FAM83G: variants seen among roughly 807,000 people sequenced by gnomAD.
The protein encoded by FAM83G is protein FAM83G.
A neutral mutation model predicts 61.5 loss-of-function variants in FAM83G; 38 were observed. The observed-to-expected ratio is 0.62, with a 90% CI of 0.48 to 0.81. The LOEUF (loss-of-function observed/expected upper bound fraction) is 0.81, where lower values mean the gene tolerates loss of function less well. FAM83G is among the 30% of genes least tolerant of loss of function. The pLI is 0.00. For missense variants in FAM83G, 989 were observed against 1,133.6 expected, an observed-to-expected ratio of 0.87 and a Z score of 1.83; for synonymous variants, 470 against 476.1, an observed-to-expected ratio of 0.99 and a Z score of 0.17.
rs77322846 is a variant in FAM83G at position 18,990,201 on chromosome 17, C to G, written c.523-1787G>C. On this transcript the variant is annotated intron_variant, in intron 2 of 5. Transcript: ENST00000388995. ...GTTAAACAGGGATCTTAAGAGGGAG[C>G]TCACTCCCTGACCTAGGAGATGTTC... Among the ~76,000 whole-genome samples, 1,437 of 152,250 alleles carry G rather than the reference C, an allele frequency of 9.4e-3. 17 individuals carry two copies. Among genetic ancestry groups the G allele is most frequent in the Non-Finnish European group, 0.015 (1,004 of 68,006 alleles).
chr17:18,994,575 C>A (rs1330740800), intron 2 of FAM83G, among the ~76,000 whole-genome samples: 3 of 152,158 alleles, frequency 2.0e-5, no homozygotes, highest in Non-Finnish European at 4.4e-5. Flanking sequence ...AGCAGAGAAC[C>A]ACCGGAAAGG....
chr17:18,988,099 G>T, intron 3 of FAM83G, 148 bp downstream of exon 3: 1 of 1,224,862 alleles, frequency 8.2e-7, no homozygotes, highest in Non-Finnish European at 1.1e-6. Flanking sequence ...GTGGCTATGT[G>T]ACTGCTTGGC....
intron 3 of FAM83G, among the ~76,000 whole-genome samples, chr17:18,980,506 AC>A (rs1252872765): frequency 6.6e-6 from 1 of 152,074 alleles, no homozygotes; most frequent in African/African-American, 2.4e-5. Context: ...CTTTTCCTGG[AC>A]CCTGAACACA....
chr17:18,973,883 A>AG (rs1363641712), intron 5 of FAM83G, among the ~76,000 whole-genome samples: 4 of 97,950 alleles, frequency 4.1e-5, no homozygotes, highest in Non-Finnish European at 8.3e-5. Flanking sequence ...TTTTTTTTTA[A>AG]GTTTTTTTTT....
In FAM83G at chr17:18,982,398, C is replaced by T. The variant is rs558366280; in HGVS notation, c.691-2725G>A. On this transcript the variant is annotated intron_variant, in intron 3 of 5. Transcript: ENST00000388995. ...CGTCTCAAGACTCTGGGCTCGTGTG[C>T]GCAGAGGTGGAGGATCCCACAAAGC... 8.5e-4 allele frequency among the ~76,000 whole-genome samples: 129 copies of T among 152,322 alleles called. 1 individual carries two copies. Among genetic ancestry groups the T allele is most frequent in the African/African-American group, 3.0e-3 (123 of 41,578 alleles).
intron 5 of FAM83G, chr17:18,976,705 G>T: frequency 3.9e-6 from 4 of 1,031,552 alleles, no homozygotes; most frequent in South Asian, 1.6e-5. Context: ...TGACAGTATT[G>T]GGGCTTTGAG....
chr17:18,978,673 C>T lies in FAM83G; in HGVS notation c.993G>A (p.Val331=), dbSNP rs1206277746. ...PEPEPIVLPS[V]VPLVPAGTVA... ...CAGTGCCCGCGGGCACCAGGGGGACCACAGAGGGCAGCACAATAGGCTCCG... is the reference window on the plus strand; with the variant it reads ...CAGTGCCCGCGGGCACCAGGGGGACTACAGAGGGCAGCACAATAGGCTCCG... The change falls in exon 5 of 6, where the codon GTG becomes GTA. Residue 331 remains valine (V), a synonymous_variant. Transcript: ENST00000388995. 2 of 1,612,962 alleles carry T rather than the reference C, an allele frequency of 1.2e-6. No individual in the cohort carries two copies. The highest frequency in any genetic ancestry group is 1.7e-6 in the Non-Finnish European group (2 of 1,180,006).
At chr17:18,981,333 T>C (rs1378787416) in intron 3 of FAM83G, among the ~76,000 whole-genome samples, 1 of 151,024 alleles carries the variant, frequency 6.6e-6, no homozygotes, top group East Asian at 1.9e-4. Context: ...GAGGGGTGGG[T>C]GATGGAGCCT....
intron 2 of FAM83G, among the ~76,000 whole-genome samples, chr17:18,995,809 G>A (rs2043553542): frequency 6.6e-6 from 1 of 152,068 alleles, no homozygotes; most frequent in Admixed American, 6.5e-5. Flanking sequence ...TTGGGAGGCT[G>A]AGGCAGGAGA....
At chr17:18,980,486 C>G (rs1012561268) in intron 3 of FAM83G, among the ~76,000 whole-genome samples, 1 of 152,178 alleles carries the variant, frequency 6.6e-6, no homozygotes, top group Non-Finnish European at 1.5e-5. Context: ...AAGGCCAGGT[C>G]GTCACCGGCC....
At chr17:19,005,023 C>T (rs1480500802), upstream of FAM83G, among the ~76,000 whole-genome samples, 2 of 152,214 alleles carry the variant, frequency 1.3e-5, no homozygotes, top group Non-Finnish European at 2.9e-5. Flanking sequence ...GGTCAACAGC[C>T]TTGGCACCCC....
rs2042771158 is a variant in FAM83G at position 18,969,037 on chromosome 17, T to C, written c.*2322A>G. 1 of 1,608,102 alleles carries C rather than the reference T, an allele frequency of 6.2e-7. No homozygotes were observed. Among genetic ancestry groups the C allele is most frequent in the Admixed American group, 1.7e-5 (1 of 59,484 alleles). ...TGGGAATAACAGTCCCACACAAGGCTCTCTCCCTCCGCAGCTGGACCTGTA... is the reference window on the plus strand; with the variant it reads ...TGGGAATAACAGTCCCACACAAGGCCCTCTCCCTCCGCAGCTGGACCTGTA... On this transcript the variant is annotated 3_prime_UTR_variant, in exon 6 of 6. Coordinates refer to ENST00000388995, the MANE Select transcript of FAM83G (RefSeq NM_001039999.3).
At position 18,971,568 on chromosome 17, in the gene FAM83G, G is replaced by A. The variant is rs781180937; in HGVS notation, c.2263C>T (p.Leu755Phe). ...AGTCTTGGGCTGCCGGGATCCGGAA[G>A]CAGGCGGGGTACCTGACCTCCCTTG... ...QAKGGQVPRL[L>F]PDPGSPRLAQ... Residue 755 changes from leucine (L) to phenylalanine (F), a missense_variant, in exon 6 of 6, where the codon CTT becomes TTT. Physicochemically the swap from Leu to Phe is conservative, Grantham distance 22. Transcript: ENST00000388995. The surrounding 1 kb of genome is among the most constrained non-coding windows in gnomAD (Gnocchi z 5.5). 6 of 1,613,788 alleles carry A rather than the reference G, an allele frequency of 3.7e-6. No homozygotes were observed. The highest frequency in any genetic ancestry group is 2.2e-5 in the South Asian group (2 of 91,078).
At chr17:18,988,456 G>A (rs200759844) in intron 2 of FAM83G, 42 bp from the exon 3 acceptor site, 2 of 1,602,048 alleles carry the variant, frequency 1.2e-6, no homozygotes, top group Non-Finnish European at 1.7e-6. Context: ...AGACAGTGCA[G>A]CAGTGGGGAC....
chr17:18,979,427 G>T, intron 4 of FAM83G, 122 bp downstream of exon 4: 2 of 1,256,968 alleles, frequency 1.6e-6, no homozygotes, highest in Non-Finnish European at 2.2e-6. Context: ...CTCCAGCCCT[G>T]CGCACACCTC....
rs184414006 is a variant in FAM83G, at chr17:18,981,828, G to A, written c.691-2155C>T. Among the ~76,000 whole-genome samples the A allele has an allele frequency of 1.5e-3, 221 of 152,236 alleles. 1 individual carries two copies. Among genetic ancestry groups the A allele is most frequent in the Middle Eastern group, 0.014 (4 of 292 alleles). ...GCCAGCTCAGCAGGAAGCTGGCCAC[G>A]GCCCAGGACAATTAGCGCTCGTGAC... On this transcript the variant is annotated intron_variant, in intron 3 of 5. Coordinates refer to ENST00000388995, the MANE Select transcript of FAM83G (RefSeq NM_001039999.3).
chr17:18,991,880 G>T lies in FAM83G; in HGVS notation c.523-3466C>A, dbSNP rs374502446. Reference sequence around the variant, plus strand: ...AAGATGCAGCTGCAGAACCCAGGAGGCCCAATGCCCAAGACAACCATCTGA... The same window carrying T: ...AAGATGCAGCTGCAGAACCCAGGAGTCCCAATGCCCAAGACAACCATCTGA... On this transcript the variant is annotated intron_variant, in intron 2 of 5. Transcript: ENST00000388995. Among the ~76,000 whole-genome samples the T allele has an allele frequency of 5.3e-5, 8 of 152,330 alleles. No individual in the cohort carries two copies. The East Asian group carries it at 1.4e-3, about 26-fold the overall frequency.
Position 18,969,262 on chromosome 17 carries a change from C to T in FAM83G, c.*2097G>A. On this transcript the variant is annotated 3_prime_UTR_variant, in exon 6 of 6. Transcript: ENST00000388995. ...GGAGCAGCCCAGGAAGTGGCCCCAG[C>T]AGGAGCCCCAGAAGTTCCTCCCCGT... 6.3e-7 allele frequency: 1 copy of T among 1,575,858 alleles called. No individual in the cohort carries two copies. The highest frequency in any genetic ancestry group is 8.7e-7 in the Non-Finnish European group (1 of 1,153,496).
In FAM83G at chr17:18,988,307, A is replaced by T. The variant is rs752826736; in HGVS notation, c.630T>A (p.Ser210Arg). The T allele has an allele frequency of 1.2e-6, 2 of 1,614,122 alleles. No individual in the cohort carries two copies. The highest frequency in any genetic ancestry group is 3.3e-5 in the Admixed American group (2 of 60,020). Reference protein sequence around the residue: ...KVAVYIIVDESNVKYFLHMCE... With the variant: ...KVAVYIIVDERNVKYFLHMCE... ...ACATGTGCAGGAAGTACTTGACGTT[A>T]CTCTCATCCACGATGATGTACACGG... The change falls in exon 3 of 6, where the codon AGT becomes AGA. Residue 210 changes from serine to arginine, a missense_variant. Around this residue, in one of 3 missense-constraint regions of FAM83G, gnomAD observed 371 missense variants for 404.5 expected, o/e 0.92. Coordinates refer to ENST00000388995, the MANE Select transcript of FAM83G (RefSeq NM_001039999.3).
Sources: allele counts gnomAD v4.1 joint callset (sites outside exome capture counted in the v4.1 genomes callset), GRCh38; gene constraint gnomAD v4.1.1; regional missense constraint gnomAD v4.1.1; non-coding constraint Gnocchi (gnomAD v3.1); transcripts MANE v1.5; gene names NCBI Gene and HGNC (gene_info 2026-07-23, HGNC 2026-07-21).